MAP7D3: variants seen among roughly 807,000 people sequenced by gnomAD.
The protein encoded by MAP7D3 is MAP7 domain-containing protein 3.
A neutral mutation model predicts 62.2 loss-of-function variants in MAP7D3; 45 were observed. That is an observed-to-expected ratio of 0.72 (90% CI 0.57 to 0.93). The LOEUF (loss-of-function observed/expected upper bound fraction) is 0.93, where lower values mean the gene tolerates loss of function less well. MAP7D3 is among the 40% of genes least tolerant of loss of function. The probability of loss-of-function intolerance (pLI) is 0.00; values close to 1 mark genes in which losing one functional copy is unlikely to be tolerated. For missense variants in MAP7D3, 711 were observed against 683.1 expected (o/e 1.04, Z -0.45); for synonymous variants, 288 against 248.8 (o/e 1.16, Z -1.48).
At chrX:136,231,088 T>C (rs1264124694) in intron 8 of MAP7D3, 122 bp from the exon 9 acceptor site, 2 of 479,569 alleles carry the variant, frequency 4.2e-6, no homozygotes, top group Non-Finnish European at 6.4e-6. Flanking sequence ...TTCTTTAAAC[T>C]GCAATTTTCT....
At chrX:136,224,066 A>G (rs1400328260) in intron 14 of MAP7D3, among the ~76,000 whole-genome samples, 1 of 102,672 alleles carries the variant, frequency 9.7e-6, no homozygotes, top group Non-Finnish European at 2.0e-5. Flanking sequence ...AAAAAAAAAA[A>G]AAAAAAAAAA....
At position 136,228,769 on chromosome X, in the gene MAP7D3, T is replaced by C; in HGVS notation, c.1751-11A>G. On this transcript the variant is annotated splice_polypyrimidine_tract_variant and intron_variant, in intron 10 of 18. Coordinates refer to ENST00000316077, the MANE Select transcript of MAP7D3 (RefSeq NM_024597.4). Reference sequence around the variant, plus strand: ...TCTTATTACCAGACTCTAGTTTAAATAAATATGTGCAACAGTTAAGAGAGC... The same window carrying C: ...TCTTATTACCAGACTCTAGTTTAAACAAATATGTGCAACAGTTAAGAGAGC... The C allele has an allele frequency of 8.5e-7, 1 of 1,170,298 alleles. No individual in the cohort carries two copies.
chrX:136,231,347 T>C (rs2074264607), intron 8 of MAP7D3, among the ~76,000 whole-genome samples, 197 bp downstream of exon 8: 1 of 112,001 alleles, frequency 8.9e-6, no homozygotes, highest in Non-Finnish European at 1.9e-5. Context: ...ATTTCAGCTT[T>C]GGAGGAAAAG....
At chrX:136,244,078 G>A (rs941688336) in intron 4 of MAP7D3, among the ~76,000 whole-genome samples, 5 of 111,477 alleles carry the variant, frequency 4.5e-5, no homozygotes, top group East Asian at 2.8e-4. Flanking sequence ...GAGGGGCCCT[G>A]TCAGGAAAGG....
chrX:136,254,156 C>T (rs1196513745), upstream of MAP7D3, among the ~76,000 whole-genome samples: 1 of 108,481 alleles, frequency 9.2e-6, no homozygotes, highest in Non-Finnish European at 1.9e-5. Flanking sequence ...ACAGTCCTGG[C>T]TCACTGCAAC....
intron 15 of MAP7D3, chrX:136,221,687 G>A (rs184596622): frequency 8.9e-6 from 1 of 112,399 alleles, no homozygotes; most frequent in African/African-American, 3.2e-5. Context: ...CAGACTGAGG[G>A]GCTCTTACTG....
At chrX:136,243,099 G>A (rs1208696864) in intron 4 of MAP7D3, among the ~76,000 whole-genome samples, 2 of 111,260 alleles carry the variant, frequency 1.8e-5, no homozygotes, top group Non-Finnish European at 3.8e-5. Context: ...GCACGTACAA[G>A]AGCAAAGGTA....
intron 3 of MAP7D3, among the ~76,000 whole-genome samples, chrX:136,245,833 G>C (rs2074441753): frequency 9.0e-6 from 1 of 111,359 alleles, no homozygotes; most frequent in Non-Finnish European, 1.9e-5. Context: ...CCAGACCTTA[G>C]TTTTCAGAAA....
intron 3 of MAP7D3, 64 bp from the exon 4 acceptor site, chrX:136,244,859 TACAC>T: frequency 3.6e-6 from 3 of 844,476 alleles, no homozygotes; most frequent in Non-Finnish European, 3.4e-6. Context: ...TTTTCCACAT[TACAC>T]ACACAGAAGG....
rs780937656 is a variant in MAP7D3 at position 136,230,626 on chromosome X, TTTTCAGTGTACAA to T, written c.1542-46_1542-34del. The T allele has an allele frequency of 1.2e-5, 12 of 1,002,604 alleles. No homozygotes were observed. The East Asian group carries it at 3.7e-4, about 31-fold the overall frequency. The allele number at this position is 1,002,604 out of a possible 1,213,427, so 82.6% of individuals were successfully genotyped here. ...AAAGTAATACACATTTGCTAATTAA[TTTTCAGTGTACAA>T]TTTCATAAAATATAAGATGCTATTA... On this transcript the variant is annotated intron_variant, in intron 9 of 18. Coordinates refer to ENST00000316077, the MANE Select transcript of MAP7D3 (RefSeq NM_024597.4).
upstream of MAP7D3, among the ~76,000 whole-genome samples, chrX:136,255,834 A>AT (rs980331392): frequency 9.0e-6 from 1 of 111,262 alleles, no homozygotes; most frequent in Non-Finnish European, 1.9e-5. Flanking sequence ...CTTCTAGGCT[A>AT]TTTTTTCCCC....
At chrX:136,250,419 C>T (rs921305777) in intron 1 of MAP7D3, among the ~76,000 whole-genome samples, 1 of 111,655 alleles carries the variant, frequency 9.0e-6, no homozygotes, top group Admixed American at 9.5e-5. Context: ...CTGGACCAAG[C>T]AATGTGCTGT....
chrX:136,228,576 G>A, intron 11 of MAP7D3, 47 bp downstream of exon 11: 1 of 1,120,001 alleles, frequency 8.9e-7, no homozygotes, highest in African/African-American at 1.9e-5. Context: ...CAAAAATTTG[G>A]GCCCCACTCA....
In MAP7D3 at chrX:136,231,850, G is replaced by A. The variant is rs200089733; in HGVS notation, c.1107C>T (p.Leu369=). 8.4e-5 allele frequency: 102 copies of A among 1,209,555 alleles called. No individual in the cohort carries two copies. The highest frequency in any genetic ancestry group is 5.6e-5 in the Non-Finnish European group (50 of 895,104). The change falls in exon 8 of 19, where the codon CTC becomes CTT. Residue 369 remains leucine (L), a synonymous_variant. Coordinates refer to ENST00000316077, the MANE Select transcript of MAP7D3 (RefSeq NM_024597.4). ...GAACTGTTTCCAGGTCCACCTTCGGGAGTGCTTCTATGCTCAACTCGGGGG... is the reference window on the plus strand; with the variant it reads ...GAACTGTTTCCAGGTCCACCTTCGGAAGTGCTTCTATGCTCAACTCGGGGG... ...DASPELSIEA[L]PKVDLETVPK...
rs763280119 is a variant in MAP7D3 at position 136,231,887 on chromosome X, C to A, written c.1070G>T (p.Ser357Ile). The stretch of plus-strand genomic sequence containing the variant: ...GCTCAACTCGGGGGATGCGTCCATG[C>A]TCATCTCAGAATCATATGTGCTCAC... ...PVVSTYDSEM[S>I]MDASPELSIE... The change falls in exon 8 of 19, where the codon AGC becomes ATC. Residue 357 changes from serine (S) to isoleucine (I), a missense_variant. Ser to Ile is a moderately radical substitution (Grantham distance 142). Transcript: ENST00000316077. 1.7e-6 allele frequency: 2 copies of A among 1,209,579 alleles called. No homozygotes were observed. Among genetic ancestry groups the A allele is most frequent in the Non-Finnish European group, 2.2e-6 (2 of 895,085 alleles).
chrX:136,236,799 T>A (rs1000086069), intron 6 of MAP7D3, among the ~76,000 whole-genome samples: 1 of 112,006 alleles, frequency 8.9e-6, no homozygotes, highest in Non-Finnish European at 1.9e-5. Context: ...AAGATATTTG[T>A]TCTTAACATA....
chrX:136,222,832 GTT>G (rs769168177), intron 14 of MAP7D3, among the ~76,000 whole-genome samples: 16 of 87,029 alleles, frequency 1.8e-4, no homozygotes, highest in Admixed American at 3.8e-4. Context: ...GTTTTTGACT[GTT>G]TTTTTTTTTT....
chrX:136,245,976 T>C (rs946247217), intron 3 of MAP7D3, 89 bp downstream of exon 3: 2 of 605,493 alleles, frequency 3.3e-6, no homozygotes, highest in African/African-American at 4.5e-5. Context: ...TACTCTATCA[T>C]ATAAACAAAT....
intron 1 of MAP7D3, 77 bp from the exon 2 acceptor site, chrX:136,246,418 ATTGTAT>A: frequency 1.0e-5 from 6 of 598,703 alleles, no homozygotes; most frequent in Non-Finnish European, 1.6e-5. Flanking sequence ...ACCACGGCCA[ATTGTAT>A]TTGATGATAA....
Sources: gnomAD v4.1 joint callset for allele counts (sites outside exome capture counted in the v4.1 genomes callset) on GRCh38, gnomAD v4.1.1 for gene constraint, MANE v1.5 for transcripts, NCBI Gene and HGNC (gene_info 2026-07-23, HGNC 2026-07-21) for gene names.